SNCAIP: variants seen among roughly 807,000 people sequenced by gnomAD.
SNCAIP encodes synuclein alpha interacting protein.
SNCAIP carries 43 observed loss-of-function variants against 86.7 expected under a neutral mutation model. That is an observed-to-expected ratio of 0.50 (90% CI 0.39 to 0.64). SNCAIP has a LOEUF of 0.64. Among genes scored for constraint, SNCAIP ranks in the 30% least tolerant of loss-of-function variants. SNCAIP has a pLI of 0.00. For missense variants in SNCAIP, 981 were observed against 1,103.1 expected, an observed-to-expected ratio of 0.89 and a Z score of 1.57; for synonymous variants, 417 against 427.2, an observed-to-expected ratio of 0.98 and a Z score of 0.29.
At chr5:122,349,074 T>C (rs1414366502) in intron 1 of SNCAIP, among the ~76,000 whole-genome samples, 1 of 152,210 alleles carries the variant, frequency 6.6e-6, no homozygotes, top group African/African-American at 2.4e-5. Context: ...TATTCTCTGA[T>C]AATGAAAGCC....
At chr5:122,453,040 G>A in intron 10 of SNCAIP, 3 of 1,213,368 alleles carry the variant, frequency 2.5e-6, no homozygotes, top group Non-Finnish European at 3.5e-6. Flanking sequence ...GACATGCTTT[G>A]CTTTGAATTG....
chr5:122,421,572 C>A (rs1776360024), intron 3 of SNCAIP, among the ~76,000 whole-genome samples: 3 of 152,052 alleles, frequency 2.0e-5, no homozygotes. Context: ...TTTGGTTGTT[C>A]CCAGTAGCAA....
At chr5:122,355,827 C>T (rs1055504619) in intron 1 of SNCAIP, among the ~76,000 whole-genome samples, 7 of 152,036 alleles carry the variant, frequency 4.6e-5, no homozygotes, top group Admixed American at 1.3e-4. Flanking sequence ...TCTGTGAAGC[C>T]CCTGTTGGGC....
chr5:122,340,486 T>G (rs1757342719), intron 1 of SNCAIP, among the ~76,000 whole-genome samples: 3 of 152,204 alleles, frequency 2.0e-5, no homozygotes, highest in Non-Finnish European at 2.9e-5. Flanking sequence ...CAATACAAAC[T>G]TCTCTGTTCC....
At chr5:122,456,573 C>T (rs1471662961) in intron 10 of SNCAIP, among the ~76,000 whole-genome samples, 2 of 152,196 alleles carry the variant, frequency 1.3e-5, no homozygotes, top group African/African-American at 4.8e-5. Context: ...CCAACCAGAG[C>T]ATATCCTCAG....
intron 3 of SNCAIP, among the ~76,000 whole-genome samples, chr5:122,407,735 TATAAG>T (rs1319330485): frequency 2.0e-5 from 3 of 150,038 alleles, no homozygotes; most frequent in Non-Finnish European, 3.0e-5. Flanking sequence ...AAGTGAAAAA[TATAAG>T]AGTTACACAC....
chr5:122,317,527 A>C (rs1752011135), intron 1 of SNCAIP, among the ~76,000 whole-genome samples: 2 of 152,092 alleles, frequency 1.3e-5, no homozygotes, highest in Admixed American at 1.3e-4. Context: ...CTCAGCTTTG[A>C]TTATGAGCCC....
At chr5:122,452,901 T>A in intron 10 of SNCAIP, 1 of 1,489,158 alleles carries the variant, frequency 6.7e-7, no homozygotes, top group South Asian at 1.2e-5. Flanking sequence ...TGTTTTCAGA[T>A]GATTTTTAAT....
intron 3 of SNCAIP, among the ~76,000 whole-genome samples, chr5:122,416,283 G>A (rs1398174755): frequency 6.6e-6 from 1 of 152,166 alleles, no homozygotes; most frequent in Admixed American, 6.5e-5. Flanking sequence ...GCCACTTAAA[G>A]ACAGAAAGTT....
intron 3 of SNCAIP, among the ~76,000 whole-genome samples, chr5:122,411,236 CAT>C: frequency 6.6e-6 from 1 of 152,260 alleles, no homozygotes; most frequent in East Asian, 1.9e-4. Flanking sequence ...AGAACTGAAA[CAT>C]AGGGACAAGG....
intron 1 of SNCAIP, among the ~76,000 whole-genome samples, chr5:122,381,927 G>A (rs1164924663): frequency 6.6e-6 from 1 of 152,070 alleles, no homozygotes; most frequent in Non-Finnish European, 1.5e-5. Flanking sequence ...AGTCTGATGG[G>A]TTTCCCTTTG....
At chr5:122,440,003 T>C (rs1780460293) in intron 6 of SNCAIP, among the ~76,000 whole-genome samples, 1 of 152,190 alleles carries the variant, frequency 6.6e-6, no homozygotes, top group African/African-American at 2.4e-5. Flanking sequence ...AGAAGGGAAA[T>C]CTTTACCTTA....
At chr5:122,318,128 G>T (rs1440007557) in intron 1 of SNCAIP, among the ~76,000 whole-genome samples, 1 of 152,072 alleles carries the variant, frequency 6.6e-6, no homozygotes, top group Non-Finnish European at 1.5e-5. Context: ...TCCTGTGGGT[G>T]CAGGGGATGG....
At chr5:122,344,211 T>TAC (rs1282031608) in intron 1 of SNCAIP, among the ~76,000 whole-genome samples, 2 of 152,186 alleles carry the variant, frequency 1.3e-5, no homozygotes, top group African/African-American at 2.4e-5. Flanking sequence ...AGAACACAGA[T>TAC]CAATGCCTGC....
intron 8 of SNCAIP, among the ~76,000 whole-genome samples, chr5:122,445,279 A>ACTATTAAAACAC (rs1434348558): frequency 6.6e-6 from 1 of 152,234 alleles, no homozygotes; most frequent in Non-Finnish European, 1.5e-5. Context: ...CTCAGTCAGC[A>ACTATTAAAACAC]TGAAGTTACT....
At chr5:122,324,555 G>T (rs926165033) in intron 1 of SNCAIP, among the ~76,000 whole-genome samples, 2 of 152,212 alleles carry the variant, frequency 1.3e-5, no homozygotes, top group Non-Finnish European at 2.9e-5. Context: ...ACAAGTAAAT[G>T]TGTTCCTAAT....
rs568670473 is a variant in SNCAIP at position 122,348,245 on chromosome 5, T to C, written c.-47+35961T>C. Among the ~76,000 whole-genome samples the C allele has an allele frequency of 5.3e-5, 8 of 152,272 alleles. No individual in the cohort carries two copies. In the South Asian group the frequency reaches 1.7e-3, roughly 32 times the overall value. ...GAATGGGAAACCTAGAAATAAAGTT[T>C]ATTCTTTTTTATTAAGATATCTTAA... On this transcript the variant is annotated intron_variant, in intron 1 of 10. Coordinates refer to ENST00000261368, the MANE Select transcript of SNCAIP (RefSeq NM_005460.4).
At chr5:122,439,957 C>T (rs114404240) in intron 6 of SNCAIP, among the ~76,000 whole-genome samples, 3 of 152,244 alleles carry the variant, frequency 2.0e-5, no homozygotes, top group Non-Finnish European at 2.9e-5. Flanking sequence ...GAAAGGTTTG[C>T]GTTCCAAGCT....
In SNCAIP at chr5:122,385,673, ATGTGTGTGTG is replaced by A. The variant is rs371793989; in HGVS notation, c.-46-5386_-46-5377del. On this transcript the variant is annotated intron_variant, in intron 1 of 10. Coordinates refer to ENST00000261368, the MANE Select transcript of SNCAIP (RefSeq NM_005460.4). ...TTGGCAGGCATGCGTGTGCGCACGT[ATGTGTGTGTG>A]TGTGTGTGTGTGTGTGTGTGTGTGT... Among the ~76,000 whole-genome samples the A allele has an allele frequency of 2.7e-3, 379 of 138,424 alleles. 1 individual carries two copies. Among genetic ancestry groups the A allele is most frequent in the African/African-American group, 7.5e-3 (278 of 36,844 alleles). 90.8% of individuals were successfully genotyped at this position (138,424 alleles called of 152,430 possible).
Sources: allele counts gnomAD v4.1 joint callset (sites outside exome capture counted in the v4.1 genomes callset), GRCh38; gene constraint gnomAD v4.1.1; transcripts MANE v1.5; gene names NCBI Gene and HGNC (gene_info 2026-07-23, HGNC 2026-07-21).